TSPAN18: variants seen among roughly 807,000 people sequenced by gnomAD.
The protein encoded by TSPAN18 is tetraspanin-18.
Under a neutral mutation model 27.3 loss-of-function variants are expected in TSPAN18, and 14 were observed. The observed-to-expected ratio is 0.51, with a 90% CI of 0.34 to 0.80. The LOEUF (loss-of-function observed/expected upper bound fraction) is 0.80. Among genes scored for constraint, TSPAN18 ranks in the 30% least tolerant of loss-of-function variants. The pLI, the probability that TSPAN18 is intolerant of heterozygous loss-of-function variation, is 0.01. For missense variants in TSPAN18, 268 were observed against 323.9 expected, an observed-to-expected ratio of 0.83 and a Z score of 1.32; for synonymous variants, 143 against 136.5, an observed-to-expected ratio of 1.05 and a Z score of -0.33.
intron 3 of TSPAN18, among the ~76,000 whole-genome samples, chr11:44,904,112 G>A (rs1230420608): frequency 6.6e-6 from 1 of 152,128 alleles, no homozygotes; most frequent in African/African-American, 2.4e-5. Flanking sequence ...CAAAGGCTTG[G>A]AGCCTGGAGT....
intron 2 of TSPAN18, among the ~76,000 whole-genome samples, chr11:44,790,474 T>C (rs1247541318): frequency 6.7e-6 from 1 of 150,078 alleles, no homozygotes. Flanking sequence ...CATGTGTTCG[T>C]GTGTGTGCAT....
intron 3 of TSPAN18, among the ~76,000 whole-genome samples, chr11:44,871,785 A>G (rs1012687308): frequency 1.3e-5 from 2 of 152,146 alleles, no homozygotes; most frequent in Non-Finnish European, 2.9e-5. Context: ...ATGCCTGCAC[A>G]CCTGCCTCAG....
chr11:44,863,571 C>A (rs1857953221), intron 3 of TSPAN18, among the ~76,000 whole-genome samples: 1 of 152,170 alleles, frequency 6.6e-6, no homozygotes. Context: ...GGCTCATTTT[C>A]ACTTAGAGCA....
chr11:44,737,001 T>C (rs543946302), intron 1 of TSPAN18, among the ~76,000 whole-genome samples: 1 of 152,368 alleles, frequency 6.6e-6, no homozygotes, highest in South Asian at 2.1e-4. Context: ...TGGTTTTCCA[T>C]GGAGCCTGCA....
In TSPAN18 at chr11:44,855,698, C is replaced by G. The variant is rs572634286; in HGVS notation, c.-152-4630C>G. On this transcript the variant is annotated intron_variant, in intron 2 of 9. Transcript: ENST00000520358. ...CTAAATCAGCCAACAGTTTCCCTCC[C>G]ACATCTGTCTTCCTACCCTCAGCCT... is the stretch of plus-strand genomic sequence containing the variant. Among the ~76,000 whole-genome samples the G allele has an allele frequency of 2.0e-5, 3 of 152,064 alleles. No individual in the cohort carries two copies. The East Asian group carries it at 5.8e-4, about 29-fold the overall frequency.
chr11:44,876,475 G>T (rs1176368933), intron 3 of TSPAN18, among the ~76,000 whole-genome samples: 1 of 152,190 alleles, frequency 6.6e-6, no homozygotes, highest in African/African-American at 2.4e-5. Flanking sequence ...AAACAGAAGG[G>T]ACCACTGCTT....
intron 3 of TSPAN18, among the ~76,000 whole-genome samples, chr11:44,879,628 C>G (rs1036462186): frequency 4.6e-5 from 7 of 152,230 alleles, no homozygotes; most frequent in Admixed American, 4.6e-4. Context: ...AAGGCCAGAG[C>G]AGCTGGAGCT....
intron 1 of TSPAN18, among the ~76,000 whole-genome samples, chr11:44,743,167 G>A (rs1163158539): frequency 6.6e-6 from 1 of 152,178 alleles, no homozygotes; most frequent in East Asian, 1.9e-4. Flanking sequence ...TGCAGTAGCC[G>A]GTGATGCATC....
At chr11:44,916,006 A>C (rs1179972508) in intron 5 of TSPAN18, among the ~76,000 whole-genome samples, 3 of 152,214 alleles carry the variant, frequency 2.0e-5, no homozygotes, top group African/African-American at 7.2e-5. Context: ...GAAACCAGCC[A>C]GCAAAACGCA....
chr11:44,749,261 A>G (rs966987290), intron 1 of TSPAN18, among the ~76,000 whole-genome samples: 4 of 152,226 alleles, frequency 2.6e-5, no homozygotes, highest in Non-Finnish European at 5.9e-5. Context: ...CAGGTTCCCC[A>G]TTTGCGAAAT....
At chr11:44,914,067 G>C (rs1181263806) in intron 5 of TSPAN18, among the ~76,000 whole-genome samples, 1 of 152,170 alleles carries the variant, frequency 6.6e-6, no homozygotes, top group Non-Finnish European at 1.5e-5. Flanking sequence ...CTTGGGCTTG[G>C]GGAGGCCCAC....
intron 2 of TSPAN18, among the ~76,000 whole-genome samples, chr11:44,777,820 A>G (rs1325835956): frequency 6.6e-6 from 1 of 152,060 alleles, no homozygotes; most frequent in Non-Finnish European, 1.5e-5. Context: ...TAGACGTGCC[A>G]ATTTAATTTA....
Position 44,929,264 on chromosome 11 carries a change from T to G in TSPAN18, c.*86T>G, listed in dbSNP as rs908607805. ...TCCCGTGCCCCTCCCCGCTGTCCTC[T>G]TGGCCCCAGGGGAGAAGATGAGGCC... On this transcript the variant is annotated 3_prime_UTR_variant, in exon 10 of 10. Transcript: ENST00000520358. The G allele has an allele frequency of 6.5e-7, 1 of 1,550,192 alleles. No homozygotes were observed. Among genetic ancestry groups the G allele is most frequent in the Admixed American group, 1.7e-5 (1 of 59,176 alleles).
At chr11:44,738,568 T>A (rs1854854142) in intron 1 of TSPAN18, among the ~76,000 whole-genome samples, 1 of 152,194 alleles carries the variant, frequency 6.6e-6, no homozygotes, top group African/African-American at 2.4e-5. Context: ...ACCATGGTGT[T>A]GGCAGGTTTG....
chr11:44,883,662 G>A (rs924347061), intron 3 of TSPAN18, among the ~76,000 whole-genome samples: 1 of 152,250 alleles, frequency 6.6e-6, no homozygotes, highest in African/African-American at 2.4e-5. Flanking sequence ...AGTCTGGTTA[G>A]TGGCAGAGCA....
At chr11:44,910,440 G>C (rs552532945) in intron 5 of TSPAN18, among the ~76,000 whole-genome samples, 2 of 152,222 alleles carry the variant, frequency 1.3e-5, no homozygotes, top group Non-Finnish European at 2.9e-5. Context: ...CAGTGGGCCC[G>C]TGCCTGCAGT....
At chr11:44,838,479 C>G (rs1857306436) in intron 2 of TSPAN18, among the ~76,000 whole-genome samples, 1 of 152,186 alleles carries the variant, frequency 6.6e-6, no homozygotes, top group Admixed American at 6.5e-5. Flanking sequence ...CAAACCATAT[C>G]ACATGGCTAA....
At chr11:44,905,167 A>C (rs1271312622) in intron 3 of TSPAN18, among the ~76,000 whole-genome samples, 2 of 152,218 alleles carry the variant, frequency 1.3e-5, no homozygotes, top group African/African-American at 4.8e-5. Flanking sequence ...AGCCTCCCAG[A>C]AACCCTTTGA....
At chr11:44,899,861 A>G (rs1859194574) in intron 3 of TSPAN18, among the ~76,000 whole-genome samples, 1 of 152,148 alleles carries the variant, frequency 6.6e-6, no homozygotes, top group Admixed American at 6.5e-5. Flanking sequence ...TAGCTCAGGG[A>G]AATTGGGAGA....
Sources: gnomAD v4.1 joint callset for allele counts (sites outside exome capture counted in the v4.1 genomes callset) on GRCh38, gnomAD v4.1.1 for gene constraint, MANE v1.5 for transcripts, NCBI Gene and HGNC (gene_info 2026-07-23, HGNC 2026-07-21) for gene names.